PTK7: variants seen among roughly 807,000 people sequenced by gnomAD.
PTK7 encodes inactive tyrosine-protein kinase 7.
A neutral mutation model predicts 116.6 loss-of-function variants in PTK7; 39 were observed. That is an observed-to-expected ratio of 0.33 (90% CI 0.26 to 0.44). The LOEUF (loss-of-function observed/expected upper bound fraction) is 0.44, where lower values mean the gene tolerates loss of function less well. PTK7 is among the 20% of genes least tolerant of loss of function. The pLI, the probability that PTK7 is intolerant of heterozygous loss-of-function variation, is 1.00. For missense variants in PTK7, 1,169 were observed against 1,425.6 expected (o/e 0.82, Z 2.90); for synonymous variants, 546 against 563.6 (o/e 0.97, Z 0.44).
chr6:43,158,876 G>A lies in PTK7; in HGVS notation c.2781G>A (p.Val927=). 1.9e-6 allele frequency: 3 copies of A among 1,614,222 alleles called. No homozygotes were observed. The highest frequency in any genetic ancestry group is 1.7e-5 in the Admixed American group (1 of 60,030). The change falls in exon 18 of 20, where the codon GTG becomes GTA. Residue 927 remains valine (V), a synonymous_variant. Transcript: ENST00000230419. ...GMEHLSNNRF[V]HKDLAARNCL... ...AGCACCTGTCCAACAACCGCTTTGT[G>A]CATAAGGACTTGGCTGCGCGTAACT... is the stretch of plus-strand genomic sequence containing the variant.
intron 1 of PTK7, among the ~76,000 whole-genome samples, chr6:43,116,649 TGTGCGCGC>T (rs1391859403): frequency 4.1e-5 from 3 of 73,500 alleles, no homozygotes; most frequent in South Asian, 4.2e-4. Flanking sequence ...TGTGTGTGTG[TGTGCGCGC>T]GCACGCACGC....
intron 17 of PTK7, among the ~76,000 whole-genome samples, chr6:43,156,755 G>A (rs755744739): frequency 6.6e-6 from 1 of 152,022 alleles, no homozygotes; most frequent in Non-Finnish European, 1.5e-5. Flanking sequence ...AATTAGCTAG[G>A]CGTGGTAGTG....
chr6:43,085,948 A>C (rs1766626743), intron 1 of PTK7, among the ~76,000 whole-genome samples: 3 of 150,640 alleles, frequency 2.0e-5, no homozygotes, highest in South Asian at 4.2e-4. Context: ...AAAAAAAAAA[A>C]AAAAAACATG....
At chr6:43,099,186 G>GA (rs1202078969) in intron 1 of PTK7, among the ~76,000 whole-genome samples, 88 of 136,876 alleles carry the variant, frequency 6.4e-4, no homozygotes, top group African/African-American at 2.2e-3. Flanking sequence ...GTAAAACAAA[G>GA]AAAAAAAAAG....
At chr6:43,127,886 G>A (rs1204745229) in intron 1 of PTK7, among the ~76,000 whole-genome samples, 3 of 151,360 alleles carry the variant, frequency 2.0e-5, no homozygotes, top group Non-Finnish European at 2.9e-5. Flanking sequence ...CCAAGATCGC[G>A]CTACTGCACT....
In PTK7 at chr6:43,129,643, G is replaced by A. The variant is rs1350565669; in HGVS notation, c.368-84G>A. ...TTGGCACAGAGCCTCGAGGTTCCACGGCTTCCTGCTTGTCCTCCTTGCCCT... is the reference window on the plus strand; with the variant it reads ...TTGGCACAGAGCCTCGAGGTTCCACAGCTTCCTGCTTGTCCTCCTTGCCCT... On this transcript the variant is annotated intron_variant, in intron 2 of 19. Coordinates refer to ENST00000230419, the MANE Select transcript of PTK7 (RefSeq NM_002821.5). The surrounding 1 kb of genome is among the most constrained non-coding windows in gnomAD (Gnocchi z 4.5). 9 of 1,229,918 alleles carry A rather than the reference G, an allele frequency of 7.3e-6. No homozygotes were observed. The highest frequency in any genetic ancestry group is 1.5e-5 in the African/African-American group (1 of 67,544). 76.2% of individuals were successfully genotyped at this position (1,229,918 alleles called of 1,614,324 possible). A position where few individuals can be genotyped will look rare whatever the true frequency, so the allele number is the denominator to read the frequency against.
intron 1 of PTK7, among the ~76,000 whole-genome samples, chr6:43,086,782 G>A (rs570251794): frequency 6.6e-6 from 1 of 152,236 alleles, no homozygotes; most frequent in East Asian, 1.9e-4. Flanking sequence ...GCTGAAGTGG[G>A]TGAGCTGTGA....
At chr6:43,147,320 G>C (rs1299037146) in intron 17 of PTK7, among the ~76,000 whole-genome samples, 1 of 152,196 alleles carries the variant, frequency 6.6e-6, no homozygotes, top group African/African-American at 2.4e-5. Flanking sequence ...AAACAGTGAA[G>C]AAGGGAAAGC....
In PTK7 at chr6:43,143,898, T is replaced by TA. The variant is rs1359641836; in HGVS notation, c.2251+278_2251+279insA. ...TCCCAGCACAAAACCACAGATATCA[T>TA]TAGTATATGTACACACGTTGCTGTT... On this transcript the variant is annotated intron_variant, in intron 14 of 19. Transcript: ENST00000230419. This position sits in a 1 kb window ranked among gnomAD's most constrained non-coding sequence, Gnocchi z 4.2. Among the ~76,000 whole-genome samples, 1 of 152,184 alleles carries TA rather than the reference T, an allele frequency of 6.6e-6. No homozygotes were observed. Among genetic ancestry groups the TA allele is most frequent in the African/African-American group, 2.4e-5 (1 of 41,440 alleles).
chr6:43,154,160 C>A (rs1309112094), intron 17 of PTK7, among the ~76,000 whole-genome samples: 2 of 137,222 alleles, frequency 1.5e-5, no homozygotes, highest in African/African-American at 5.6e-5. Flanking sequence ...AAGACTCAGT[C>A]TCTAAATAAA....
chr6:43,100,098 T>C (rs1185252755), intron 1 of PTK7, among the ~76,000 whole-genome samples: 1 of 152,086 alleles, frequency 6.6e-6, no homozygotes, highest in Non-Finnish European at 1.5e-5. Context: ...TAAAAAAAAA[T>C]CATGACTGGG....
At chr6:43,128,511 G>A (rs1450891394) in intron 1 of PTK7, among the ~76,000 whole-genome samples, 6 of 152,234 alleles carry the variant, frequency 3.9e-5, no homozygotes, top group African/African-American at 9.6e-5. Flanking sequence ...GGGGCTGGGC[G>A]TGGTGGCTCA....
chr6:43,098,360 CTT>C (rs200911784), intron 1 of PTK7, among the ~76,000 whole-genome samples: 7 of 143,694 alleles, frequency 4.9e-5, no homozygotes, highest in Admixed American at 7.0e-5. Context: ...AAGAAGCAAA[CTT>C]TTTTTTTTTT....
At chr6:43,103,922 AG>A (rs940220363) in intron 1 of PTK7, among the ~76,000 whole-genome samples, 2 of 152,224 alleles carry the variant, frequency 1.3e-5, no homozygotes, top group African/African-American at 4.8e-5. Context: ...TTTTGAGGCA[AG>A]TCTGCACCCG....
intron 1 of PTK7, among the ~76,000 whole-genome samples, chr6:43,082,044 G>A (rs1020117062): frequency 7.9e-5 from 12 of 152,208 alleles, no homozygotes; most frequent in Admixed American, 5.9e-4. Flanking sequence ...TTAAAAACTG[G>A]TGCTAAAGTT....
chr6:43,083,269 G>T (rs1302289544), intron 1 of PTK7, among the ~76,000 whole-genome samples: 1 of 152,252 alleles, frequency 6.6e-6, no homozygotes, highest in Non-Finnish European at 1.5e-5. Flanking sequence ...GAGCCACGTG[G>T]TGGGGTTACA....
At chr6:43,097,232 C>T (rs76595187) in intron 1 of PTK7, among the ~76,000 whole-genome samples, 2,690 of 152,334 alleles carry the variant, frequency 0.018, 83 homozygotes, top group African/African-American at 0.061. Context: ...TAAAGGGAAG[C>T]TAAACCTGAA....
In PTK7 at chr6:43,120,876, C is replaced by T. The variant is rs142588532; in HGVS notation, c.80-8101C>T. 6.2e-4 allele frequency among the ~76,000 whole-genome samples: 95 copies of T among 152,144 alleles called. 1 individual carries two copies. Among genetic ancestry groups the T allele is most frequent in the Admixed American group, 2.5e-3 (38 of 15,278 alleles). On this transcript the variant is annotated intron_variant, in intron 1 of 19. Transcript: ENST00000230419. Reference sequence around the variant, plus strand: ...TTCCATCTCATCACACCACCTCACTCCAGCTGCATTTTTCATTCATTGCTA... The same window carrying T: ...TTCCATCTCATCACACCACCTCACTTCAGCTGCATTTTTCATTCATTGCTA...
intron 1 of PTK7, among the ~76,000 whole-genome samples, chr6:43,127,170 C>T (rs1769340622): frequency 6.6e-6 from 1 of 152,232 alleles, no homozygotes; most frequent in African/African-American, 2.4e-5. Context: ...GGAAAAGACT[C>T]CGTTAGTACC....
Sources: gnomAD v4.1 joint callset for allele counts (sites outside exome capture counted in the v4.1 genomes callset) on GRCh38, gnomAD v4.1.1 for gene constraint, Gnocchi (gnomAD v3.1) non-coding constraint, MANE v1.5 for transcripts, NCBI Gene and HGNC (gene_info 2026-07-23, HGNC 2026-07-21) for gene names.